FAM219A: variants seen among roughly 807,000 people sequenced by gnomAD.
FAM219A encodes family with sequence similarity 219 member A.
Under a neutral mutation model 23.4 loss-of-function variants are expected in FAM219A, and 7 were observed. That is an observed-to-expected ratio of 0.30 (90% CI 0.17 to 0.56). The LOEUF is 0.56. Among genes scored for constraint, FAM219A ranks in the 20% least tolerant of loss-of-function variants. FAM219A has a pLI of 0.92. For synonymous variants in FAM219A, 93 were observed against 99.0 expected (o/e 0.94, Z 0.36); for missense variants, 166 against 246.9 (o/e 0.67, Z 2.20).
At chr9:34,401,620 T>G in intron 5 of FAM219A, 46 bp downstream of exon 5, 4 of 1,585,836 alleles carry the variant, frequency 2.5e-6, no homozygotes, top group South Asian at 1.1e-5. Context: ...GGGATGGCAG[T>G]GATCCTGCCC....
chr9:34,409,188 T>C (rs770007033), intron 1 of FAM219A, among the ~76,000 whole-genome samples: 4 of 152,234 alleles, frequency 2.6e-5, no homozygotes, highest in Non-Finnish European at 5.9e-5. Context: ...TCCATCACTA[T>C]CCATGACAGA....
intron 1 of FAM219A, among the ~76,000 whole-genome samples, chr9:34,410,419 AAGG>A (rs1821781377): frequency 6.6e-6 from 1 of 152,198 alleles, no homozygotes; most frequent in Non-Finnish European, 1.5e-5. Context: ...GAGTCTTAAG[AAGG>A]AGGATCTGGA....
chr9:34,411,171 G>A (rs1013804906), intron 1 of FAM219A, among the ~76,000 whole-genome samples: 3 of 152,072 alleles, frequency 2.0e-5, no homozygotes, highest in African/African-American at 7.2e-5. Flanking sequence ...TGACCACAGG[G>A]CACCCTGTTT....
chr9:34,436,098 C>T (rs1822905220), intron 1 of FAM219A, among the ~76,000 whole-genome samples: 1 of 152,054 alleles, frequency 6.6e-6, no homozygotes, highest in Non-Finnish European at 1.5e-5. Context: ...AGCTGCCGTG[C>T]CCAGCCTAGA....
At chr9:34,407,825 A>G (rs578178744) in intron 1 of FAM219A, among the ~76,000 whole-genome samples, 1 of 152,350 alleles carries the variant, frequency 6.6e-6, no homozygotes, top group South Asian at 2.1e-4. Context: ...ATGCTGCCAC[A>G]GTGTCAGGCC....
chr9:34,431,399 T>G (rs1822694432), intron 1 of FAM219A, among the ~76,000 whole-genome samples: 1 of 152,162 alleles, frequency 6.6e-6, no homozygotes, highest in Admixed American at 6.5e-5. Context: ...CGCATATACA[T>G]GCATGCCAGA....
In FAM219A at chr9:34,457,501, G is replaced by A. The variant is rs1345143763; in HGVS notation, c.60+703C>T. On this transcript the variant is annotated intron_variant, in intron 1 of 5. Transcript: ENST00000651358. The surrounding 1 kb of genome is among the most constrained non-coding windows in gnomAD (Gnocchi z 5.1). ...ATGATGGGGGCTCTTCCCAACCAGT[G>A]CGCACAGGCAGCTCCAGCGCGACCC... 1 of 152,588 alleles carries A rather than the reference G, an allele frequency of 6.6e-6. No homozygotes were observed. The highest frequency in any genetic ancestry group is 2.4e-5 in the African/African-American group (1 of 41,420). 9.5% of individuals were successfully genotyped at this position (152,588 alleles called of 1,614,324 possible).
In FAM219A at chr9:34,435,962, C is replaced by T. The variant is rs28407968; in HGVS notation, c.60+22242G>A. Among the ~76,000 whole-genome samples the T allele has an allele frequency of 3.5e-3, 533 of 152,180 alleles. 2 individuals carry two copies. The highest frequency in any genetic ancestry group is 6.8e-3 in the Middle Eastern group (2 of 294). On this transcript the variant is annotated intron_variant, in intron 1 of 5. Coordinates refer to ENST00000651358, the MANE Select transcript of FAM219A (RefSeq NM_001184940.2). The stretch of plus-strand genomic sequence containing the variant: ...CTGGGATTACAAGTGCCCACCACCA[C>T]ACCTGGCTCATTTTGTATTTTTAGT...
At chr9:34,456,649 C>T (rs896563939) in intron 1 of FAM219A, among the ~76,000 whole-genome samples, 1 of 152,206 alleles carries the variant, frequency 6.6e-6, no homozygotes, top group African/African-American at 2.4e-5. Flanking sequence ...TATCTTCAGC[C>T]AGCCCAAAGT....
chr9:34,445,970 T>C (rs1332977061), intron 1 of FAM219A, among the ~76,000 whole-genome samples: 1 of 151,292 alleles, frequency 6.6e-6, no homozygotes, highest in Non-Finnish European at 1.5e-5. Flanking sequence ...AAGTCAGGAG[T>C]TTAAGACCAG....
chr9:34,433,656 C>T (rs931404196), intron 1 of FAM219A, among the ~76,000 whole-genome samples: 1 of 152,220 alleles, frequency 6.6e-6, no homozygotes, highest in East Asian at 1.9e-4. Context: ...GCTGCTCCTC[C>T]AACTGCCATC....
Position 34,438,005 on chromosome 9 carries a change from GC to G in FAM219A, c.60+20198del, listed in dbSNP as rs1454152159. Among the ~76,000 whole-genome samples the G allele has an allele frequency of 2.6e-5, 4 of 152,214 alleles. No homozygotes were observed. The South Asian group carries it at 6.2e-4, about 24-fold the overall frequency. Reference sequence around the variant, plus strand: ...TTCCGAGTGGGCGTGGGCTTGGCGGGCCCCGCACTCGGAGCAGCCGGCTGGC... The same window carrying G: ...TTCCGAGTGGGCGTGGGCTTGGCGGGCCCGCACTCGGAGCAGCCGGCTGGC... On this transcript the variant is annotated intron_variant, in intron 1 of 5. Coordinates refer to ENST00000651358, the MANE Select transcript of FAM219A (RefSeq NM_001184940.2).
chr9:34,430,527 C>T (rs1452656939), intron 1 of FAM219A, among the ~76,000 whole-genome samples: 1 of 150,120 alleles, frequency 6.7e-6, no homozygotes, highest in Admixed American at 6.7e-5. Context: ...GTCCCAGCTA[C>T]TCAGGAGGCT....
At chr9:34,403,692 C>T (rs1255504440) in intron 2 of FAM219A, among the ~76,000 whole-genome samples, 4 of 152,204 alleles carry the variant, frequency 2.6e-5, no homozygotes, top group Admixed American at 2.0e-4. Context: ...CCCATCTACT[C>T]TTCCCTACTC....
intron 1 of FAM219A, among the ~76,000 whole-genome samples, chr9:34,414,046 T>C (rs932618737): frequency 1.2e-4 from 18 of 152,226 alleles, no homozygotes; most frequent in African/African-American, 4.1e-4. Context: ...TATCAACTTT[T>C]AGAGGGAGAC....
chr9:34,405,525 C>T (rs759675620), intron 2 of FAM219A, among the ~76,000 whole-genome samples: 1 of 152,186 alleles, frequency 6.6e-6, no homozygotes, highest in Non-Finnish European at 1.5e-5. Context: ...AGTAACATCC[C>T]ACTTCTAAGG....
At chr9:34,403,864 T>C (rs1408249485) in intron 2 of FAM219A, among the ~76,000 whole-genome samples, 2 of 152,238 alleles carry the variant, frequency 1.3e-5, no homozygotes, top group Non-Finnish European at 2.9e-5. Context: ...CTCATGTCTC[T>C]GAATCTCTGT....
At chr9:34,450,442 C>T (rs565550598) in intron 1 of FAM219A, among the ~76,000 whole-genome samples, 3 of 149,920 alleles carry the variant, frequency 2.0e-5, no homozygotes, top group South Asian at 2.1e-4. Flanking sequence ...TTTTTTGAGA[C>T]GGAGTCTTGC....
intron 1 of FAM219A, among the ~76,000 whole-genome samples, chr9:34,455,347 G>T (rs574251618): frequency 2.0e-5 from 3 of 152,136 alleles, no homozygotes; most frequent in Admixed American, 2.0e-4. Flanking sequence ...GCAAAAAAAT[G>T]AAATAGGTCA....
Sources: gnomAD v4.1 joint callset for allele counts (sites outside exome capture counted in the v4.1 genomes callset) on GRCh38, gnomAD v4.1.1 for gene constraint, Gnocchi (gnomAD v3.1) non-coding constraint, MANE v1.5 for transcripts, NCBI Gene and HGNC (gene_info 2026-07-23, HGNC 2026-07-21) for gene names.